Variants in RBMS3 observed in about 807,000 individuals in gnomAD.
RBMS3 encodes RNA-binding motif, single-stranded-interacting protein 3.
Under a neutral mutation model 66.8 loss-of-function variants are expected in RBMS3, and 27 were observed. The observed-to-expected ratio is 0.40, with a 90% confidence interval of 0.30 to 0.56. The LOEUF is 0.56. Among genes scored for constraint, RBMS3 ranks in the 20% least tolerant of loss-of-function variants. The probability of loss-of-function intolerance (pLI) is 0.40; values close to 1 mark genes in which losing one functional copy is unlikely to be tolerated. For synonymous variants in RBMS3, 188 were observed against 183.0 expected (o/e 1.03, Z -0.22); for missense variants, 513 against 549.5 (o/e 0.93, Z 0.66).
chr3:29,703,769 G>A (rs937439403), intron 4 of RBMS3, among the ~76,000 whole-genome samples: 1 of 152,130 alleles, frequency 6.6e-6, no homozygotes, highest in Admixed American at 6.5e-5. Context: ...TTTAATCCAG[G>A]GATCCCCAAC....
intron 6 of RBMS3, among the ~76,000 whole-genome samples, chr3:29,820,184 T>G (rs1295972707): frequency 7.2e-4 from 41 of 56,598 alleles, no homozygotes; most frequent in African/African-American, 2.8e-3. Context: ...GTGAGACTTC[T>G]TCTCAAAAAA....
At chr3:29,382,741 A>T (rs192602878) in intron 1 of RBMS3, among the ~76,000 whole-genome samples, 4 of 152,244 alleles carry the variant, frequency 2.6e-5, no homozygotes, top group Admixed American at 2.6e-4. Flanking sequence ...TTTTTCGTTT[A>T]TATCCCCTTT....
intron 14 of RBMS3, among the ~76,000 whole-genome samples, chr3:29,994,545 A>G (rs1404693303): frequency 1.3e-5 from 2 of 152,242 alleles, no homozygotes; most frequent in African/African-American, 2.4e-5. Context: ...ACAGCTTTGA[A>G]GAGAGCAGTG....
intron 10 of RBMS3, among the ~76,000 whole-genome samples, chr3:29,910,905 C>A (rs997629931): frequency 6.6e-6 from 1 of 151,950 alleles, no homozygotes; most frequent in African/African-American, 2.4e-5. Context: ...TGCCTTTAAA[C>A]TTTTCTACTG....
intron 12 of RBMS3, among the ~76,000 whole-genome samples, chr3:29,973,764 C>G (rs1697374770): frequency 6.6e-6 from 1 of 151,936 alleles, no homozygotes; most frequent in Non-Finnish European, 1.5e-5. Flanking sequence ...ATTTTAAGCA[C>G]TCAGTTTCAC....
chr3:29,308,867 A>T (rs2034195975), intron 1 of RBMS3, among the ~76,000 whole-genome samples: 1 of 150,542 alleles, frequency 6.6e-6, no homozygotes, highest in African/African-American at 2.4e-5. Flanking sequence ...CATGGTAAGG[A>T]TGCTGATATA....
chr3:29,633,069 C>G (rs2049343815), intron 4 of RBMS3, among the ~76,000 whole-genome samples: 1 of 151,844 alleles, frequency 6.6e-6, no homozygotes, highest in Non-Finnish European at 1.5e-5. Context: ...CTGTGCTTAT[C>G]CTACTGAAGT....
At chr3:29,873,991 G>A (rs1203772718) in intron 7 of RBMS3, among the ~76,000 whole-genome samples, 3 of 152,132 alleles carry the variant, frequency 2.0e-5, no homozygotes, top group East Asian at 3.9e-4. Context: ...TGTTATTAAT[G>A]CTAATGTAAA....
chr3:29,445,449 A>G (rs2041794062), intron 2 of RBMS3, among the ~76,000 whole-genome samples: 1 of 151,920 alleles, frequency 6.6e-6, no homozygotes, highest in East Asian at 1.9e-4. Context: ...CTGAGCCGTC[A>G]GGTTTCAGCT....
At chr3:29,870,554 T>G (rs552083173) in intron 7 of RBMS3, among the ~76,000 whole-genome samples, 1 of 152,084 alleles carries the variant, frequency 6.6e-6, no homozygotes, top group African/African-American at 2.4e-5. Context: ...GAAAATGGAA[T>G]CAATAAAGAC....
chr3:29,506,864 G>C (rs2044200874), intron 3 of RBMS3, among the ~76,000 whole-genome samples: 4 of 151,484 alleles, frequency 2.6e-5, no homozygotes, highest in Admixed American at 2.6e-4. Flanking sequence ...CAATTTGTTG[G>C]TATATAATTG....
At chr3:29,733,036 G>C in intron 4 of RBMS3, among the ~76,000 whole-genome samples, 1 of 151,932 alleles carries the variant, frequency 6.6e-6, no homozygotes, top group East Asian at 1.9e-4. Flanking sequence ...TAGATAAAGG[G>C]CCACATGATA....
chr3:29,747,235 T>C (rs1023962816), intron 5 of RBMS3, among the ~76,000 whole-genome samples: 8 of 152,232 alleles, frequency 5.3e-5, no homozygotes, highest in African/African-American at 1.9e-4. Flanking sequence ...TGTATCTCTA[T>C]GGTTATAAAC....
chr3:29,519,030 A>G (rs1053628242), intron 3 of RBMS3, among the ~76,000 whole-genome samples: 1 of 152,120 alleles, frequency 6.6e-6, no homozygotes, highest in Non-Finnish European at 1.5e-5. Context: ...CTTTGAGTGT[A>G]TTTTCGTGTT....
In RBMS3 at chr3:29,281,432, A is replaced by G. The variant is rs930643881; in HGVS notation, c.-250A>G. ...GGGGGAAGCCAGGCAAGATCTGGGA[A>G]GGCTGTGTGTGGGTGTTTTTTCTAC... On this transcript the variant is annotated 5_prime_UTR_variant, in exon 1 of 15. Transcript: ENST00000383767. 5.8e-6 allele frequency: 3 copies of G among 517,930 alleles called. No homozygotes were observed. Among genetic ancestry groups the G allele is most frequent in the Non-Finnish European group, 1.0e-5 (3 of 296,858 alleles). 32.1% of individuals were successfully genotyped at this position (517,930 alleles called of 1,614,324 possible).
intron 4 of RBMS3, among the ~76,000 whole-genome samples, chr3:29,656,204 A>G (rs58369381): frequency 6.6e-6 from 1 of 152,340 alleles, no homozygotes; most frequent in African/African-American, 2.4e-5. Context: ...GCAGTGTACA[A>G]CGATGTTCTA....
chr3:29,281,280 A>C lies in RBMS3; in HGVS notation c.-402A>C, dbSNP rs533702805. The C allele has an allele frequency of 7.0e-4, 118 of 167,620 alleles. No homozygotes were observed. The highest frequency in any genetic ancestry group is 1.3e-3 in the Non-Finnish European group (106 of 83,768). The allele number at this position is 167,620 out of a possible 1,614,324, so 10.4% of individuals were successfully genotyped here. A position where few individuals can be genotyped will look rare whatever the true frequency, so the allele number is the denominator to read the frequency against. ...ACCAAGAGACAGGAAGCTGATCTGC[A>C]AGGATTCGGAGTTGTGCTAAAAGGA... is the stretch of plus-strand genomic sequence containing the variant. On this transcript the variant is annotated 5_prime_UTR_variant, in exon 1 of 15. Transcript: ENST00000383767.
intron 1 of RBMS3, among the ~76,000 whole-genome samples, chr3:29,346,396 C>CTTTTTTTTTTTTTTT (rs34803214): frequency 1.7e-5 from 1 of 59,962 alleles, no homozygotes; most frequent in Non-Finnish European, 2.9e-5. Flanking sequence ...GCAATTCATT[C>CTTTTTTTTTTTTTTT]TTTTTTTTTT....
chr3:29,980,283 G>A (rs183430016), intron 12 of RBMS3, among the ~76,000 whole-genome samples: 35 of 151,734 alleles, frequency 2.3e-4, no homozygotes, highest in Non-Finnish European at 4.3e-4. Flanking sequence ...TGATAAGGTT[G>A]TCTTTCTCTT....
Sources: gnomAD v4.1 joint callset for allele counts (sites outside exome capture counted in the v4.1 genomes callset) on GRCh38, gnomAD v4.1.1 for gene constraint, MANE v1.5 for transcripts, NCBI Gene and HGNC (gene_info 2026-07-23, HGNC 2026-07-21) for gene names.